FREM3: variants seen among roughly 807,000 people sequenced by gnomAD.
FREM3 encodes the protein FRAS1-related extracellular matrix protein 3.
In FREM3, 105 loss-of-function variants were observed where a neutral mutation model predicts 129.1. That is an observed-to-expected ratio of 0.81 (90% CI 0.69 to 0.96). FREM3 has a LOEUF of 0.96. Among genes scored for constraint, FREM3 ranks in the 40% least tolerant of loss-of-function variants. The probability of loss-of-function intolerance (pLI) is 0.00; values close to 1 mark genes in which losing one functional copy is unlikely to be tolerated. For missense variants in FREM3, 2,593 were observed against 2,666.3 expected, an observed-to-expected ratio of 0.97 and a Z score of 0.61; for synonymous variants, 1,014 against 1,044.9, an observed-to-expected ratio of 0.97 and a Z score of 0.57.
chr4:143,591,989 A>T (rs1259804600), intron 6 of FREM3, among the ~76,000 whole-genome samples: 5 of 152,202 alleles, frequency 3.3e-5, no homozygotes, highest in African/African-American at 9.7e-5. Context: ...CTTTACCATT[A>T]TGTAATGGCC....
At chr4:143,579,017 G>GT (rs1560831593) in intron 7 of FREM3, among the ~76,000 whole-genome samples, 1 of 149,742 alleles carries the variant, frequency 6.7e-6, no homozygotes, top group African/African-American at 2.5e-5. Flanking sequence ...GAATTACATT[G>GT]TAAGTTTTTG....
At position 143,699,880 on chromosome 4, in the gene FREM3, G is replaced by T; in HGVS notation, c.796C>A (p.Pro266Thr). ...ATSSPNRDYV[P>T]MMVELLGPEG... Reference sequence around the variant, plus strand: ...GGCCCCAGCAGCTCCACCATCATGGGCACGTAGTCACGGTTGGGCGAGGAG... The same window carrying T: ...GGCCCCAGCAGCTCCACCATCATGGTCACGTAGTCACGGTTGGGCGAGGAG... Residue 266 changes from proline (P) to threonine (T), a missense_variant, in exon 1 of 8, where the codon CCC (proline) becomes ACC (threonine). By Grantham distance (38) the Pro-to-Thr change is conservative. Around this residue, in one of 2 missense-constraint regions of FREM3, gnomAD observed 2,276 missense variants for 2,267.2 expected, o/e 1.00. Transcript: ENST00000329798. This position sits in a 1 kb window ranked among gnomAD's most constrained non-coding sequence, Gnocchi z 4.2. 6.5e-7 allele frequency: 1 copy of T among 1,536,760 alleles called. No homozygotes were observed. Among genetic ancestry groups the T allele is most frequent in the Non-Finnish European group, 8.7e-7 (1 of 1,146,882 alleles).
Position 143,656,490 on chromosome 4 carries a change from G to C in FREM3, c.5276-28730C>G, listed in dbSNP as rs368963339. On this transcript the variant is annotated intron_variant, in intron 2 of 7. Transcript: ENST00000329798. ...ATAGAATATTATTTAGCCATAAAAG[G>C]CATGAAGTACTGATATATGCTATAA... is the stretch of plus-strand genomic sequence containing the variant. Among the ~76,000 whole-genome samples the C allele has an allele frequency of 1.1e-4, 17 of 152,216 alleles. No homozygotes were observed. The East Asian group carries it at 1.5e-3, about 14-fold the overall frequency.
chr4:143,656,363 A>C (rs939255300), intron 2 of FREM3, among the ~76,000 whole-genome samples: 1 of 152,224 alleles, frequency 6.6e-6, no homozygotes, highest in Non-Finnish European at 1.5e-5. Flanking sequence ...GTTTACATGA[A>C]TGTTCAAATA....
At position 143,699,102 on chromosome 4, in the gene FREM3, T is replaced by G; in HGVS notation, c.1574A>C (p.His525Pro). ...GGGAAAGAGGAAGTCCACTTGGTGG[T>G]GCCCGTCCTCCATCCGGAAGATGAT... ...DNIIFRMEDGHHQVDFLFPLT... is the reference protein window; with the variant it reads ...DNIIFRMEDGPHQVDFLFPLT... Residue 525 changes from histidine to proline, a missense_variant, in exon 1 of 8, where the codon CAC (histidine) becomes CCC (proline). Physicochemically the swap from His to Pro is moderately conservative, Grantham distance 77. Coordinates refer to ENST00000329798, the MANE Select transcript of FREM3 (RefSeq NM_001168235.2). The surrounding 1 kb of genome is among the most constrained non-coding windows in gnomAD (Gnocchi z 4.2). 6.5e-7 allele frequency: 1 copy of G among 1,537,358 alleles called. No homozygotes were observed. The highest frequency in any genetic ancestry group is 1.4e-5 in the African/African-American group (1 of 73,092).
intron 6 of FREM3, among the ~76,000 whole-genome samples, chr4:143,607,526 A>G (rs756264634): frequency 1.3e-5 from 2 of 152,180 alleles, no homozygotes; most frequent in Non-Finnish European, 2.9e-5. Flanking sequence ...GATTTAGGAA[A>G]AGGGCATGCA....
At chr4:143,660,449 G>T (rs1278971595) in intron 2 of FREM3, among the ~76,000 whole-genome samples, 2 of 152,120 alleles carry the variant, frequency 1.3e-5, no homozygotes, top group South Asian at 4.1e-4. Flanking sequence ...CTATATCTCT[G>T]TTTTGGTACC....
chr4:143,673,710 C>G lies in FREM3; in HGVS notation c.5275+19403G>C, dbSNP rs191235987. Among the ~76,000 whole-genome samples the G allele has an allele frequency of 8.7e-3, 1,333 of 152,362 alleles. 23 individuals are homozygous for G. Among genetic ancestry groups the G allele is most frequent in the African/African-American group, 0.03 (1,235 of 41,586 alleles). On this transcript the variant is annotated intron_variant, in intron 2 of 7. Transcript: ENST00000329798. The stretch of plus-strand genomic sequence containing the variant: ...CAGAGGTAGAGTCTACAGAGGCAGG[C>G]AGGCCTCCTTGAGCTTTGGTGGGCT...
intron 2 of FREM3, among the ~76,000 whole-genome samples, chr4:143,678,307 C>T (rs922300131): frequency 2.6e-5 from 4 of 151,974 alleles, no homozygotes; most frequent in East Asian, 1.9e-4. Flanking sequence ...AACCAAACAC[C>T]GCATGTTCTC....
In FREM3 at chr4:143,596,733, G is replaced by A. The variant is rs543018238; in HGVS notation, c.6029-10740C>T. Among the ~76,000 whole-genome samples, 11 of 152,008 alleles carry A rather than the reference G, an allele frequency of 7.2e-5. No individual in the cohort carries two copies. In the South Asian group the frequency reaches 1.0e-3, roughly 14 times the overall value. ...GGGGATCACTTGAGACCAGGAGTTC[G>A]AGACCAGCCTGGAAAACATAGCGAG... On this transcript the variant is annotated intron_variant, in intron 6 of 7. Transcript: ENST00000329798.
intron 2 of FREM3, among the ~76,000 whole-genome samples, chr4:143,644,194 T>C (rs935099569): frequency 6.6e-6 from 1 of 152,042 alleles, no homozygotes; most frequent in East Asian, 1.9e-4. Context: ...TGTGTGTGTG[T>C]GTGTGTGCGC....
chr4:143,697,227 T>A lies in FREM3; in HGVS notation c.3449A>T (p.Asn1150Ile). The change falls in exon 1 of 8, where the codon AAT becomes ATT. Residue 1150 changes from asparagine to isoleucine, a missense_variant. Around this residue, in one of 2 missense-constraint regions of FREM3, gnomAD observed 2,276 missense variants for 2,267.2 expected, o/e 1.00. Transcript: ENST00000329798. The stretch of plus-strand genomic sequence containing the variant: ...TCCCTTGTGAATACTCTGTACATAA[T>A]TGATATGCCTCACTTGGATATCTCT... ...SLRDIQVRHINYVQSIHKGVE... is the reference protein window; with the variant it reads ...SLRDIQVRHIIYVQSIHKGVE... 6.5e-7 allele frequency: 1 copy of A among 1,537,776 alleles called. No individual in the cohort carries two copies. Among genetic ancestry groups the A allele is most frequent in the Non-Finnish European group, 8.7e-7 (1 of 1,147,002 alleles).
intron 2 of FREM3, among the ~76,000 whole-genome samples, chr4:143,640,821 T>G (rs1182535202): frequency 6.6e-6 from 1 of 152,118 alleles, no homozygotes; most frequent in African/African-American, 2.4e-5. Flanking sequence ...ATCTTTAAGT[T>G]ATGAGGGTCT....
At chr4:143,679,425 G>T (rs143540267) in intron 2 of FREM3, among the ~76,000 whole-genome samples, 1 of 152,230 alleles carries the variant, frequency 6.6e-6, no homozygotes, top group East Asian at 1.9e-4. Context: ...TGAACTCCAG[G>T]CCTGGCTGGA....
At chr4:143,592,826 C>T (rs1455962471) in intron 6 of FREM3, among the ~76,000 whole-genome samples, 6 of 152,200 alleles carry the variant, frequency 3.9e-5, no homozygotes, top group Admixed American at 3.9e-4. Context: ...TAATATCCTG[C>T]AGAGTGTTTT....
At chr4:143,653,112 T>C (rs1739541117) in intron 2 of FREM3, among the ~76,000 whole-genome samples, 2 of 152,198 alleles carry the variant, frequency 1.3e-5, no homozygotes, top group Admixed American at 6.5e-5. Flanking sequence ...TAGAGAGTGG[T>C]TCCTATTTTG....
intron 2 of FREM3, among the ~76,000 whole-genome samples, chr4:143,672,172 C>T (rs552215186): frequency 6.6e-6 from 1 of 152,176 alleles, no homozygotes; most frequent in Non-Finnish European, 1.5e-5. Context: ...AAATTGCAGA[C>T]TTAATCCTTA....
Position 143,700,024 on chromosome 4 carries a change from C to G in FREM3, c.652G>C (p.Gly218Arg). The change falls in exon 1 of 8, where the codon GGC becomes CGC. Residue 218 changes from glycine to arginine, a missense_variant. By Grantham distance (125) the Gly-to-Arg change is moderately radical (BLOSUM62 -2). Around this residue, in one of 2 missense-constraint regions of FREM3, gnomAD observed 2,276 missense variants for 2,267.2 expected, o/e 1.00. Transcript: ENST00000329798. Reference protein sequence around the residue: ...CRLTPLPHEDGPLPKYGRLVD... With the variant: ...CRLTPLPHEDRPLPKYGRLVD... Reference sequence around the variant, plus strand: ...AAGCGCCCGTACTTGGGCAGGGGGCCGTCCTCGTGAGGAAGTGGGGTAAGC... The same window carrying G: ...AAGCGCCCGTACTTGGGCAGGGGGCGGTCCTCGTGAGGAAGTGGGGTAAGC... 1 of 1,509,176 alleles carries G rather than the reference C, an allele frequency of 6.6e-7. No homozygotes were observed. Among genetic ancestry groups the G allele is most frequent in the Non-Finnish European group, 8.8e-7 (1 of 1,130,936 alleles). 93.5% of individuals were successfully genotyped at this position (1,509,176 alleles called of 1,614,324 possible).
At chr4:143,655,777 G>T (rs1224057195) in intron 2 of FREM3, among the ~76,000 whole-genome samples, 1 of 152,158 alleles carries the variant, frequency 6.6e-6, no homozygotes, top group Admixed American at 6.5e-5. Context: ...GTCCCTACAA[G>T]GGGCAAGGAC....
Sources: gnomAD v4.1 joint callset for allele counts (sites outside exome capture counted in the v4.1 genomes callset) on GRCh38, gnomAD v4.1.1 for gene constraint, gnomAD v4.1.1 regional missense constraint, Gnocchi (gnomAD v3.1) non-coding constraint, MANE v1.5 for transcripts, NCBI Gene and HGNC (gene_info 2026-07-23, HGNC 2026-07-21) for gene names.